DLGAP2: variants seen among roughly 807,000 people sequenced by gnomAD.
DLGAP2 encodes DLG associated protein 2, also known as disks large-associated protein 2.
In DLGAP2, 26 loss-of-function variants were observed where a neutral mutation model predicts 100.3. That is an observed-to-expected ratio of 0.26 (90% CI 0.19 to 0.36). The LOEUF (loss-of-function observed/expected upper bound fraction) is 0.36, where lower values mean the gene tolerates loss of function less well. DLGAP2 is among the 10% of genes least tolerant of loss of function. DLGAP2 has a pLI of 1.00. For synonymous variants in DLGAP2, 886 were observed against 630.1 expected, an observed-to-expected ratio of 1.41 and a Z score of -6.08; for missense variants, 1,858 against 1,453.2, an observed-to-expected ratio of 1.28 and a Z score of -4.53.
chr8:1,626,708 G>A (rs1264470272), intron 6 of DLGAP2, 32 bp from the exon 7 acceptor site: 2 of 1,571,738 alleles, frequency 1.3e-6, no homozygotes, highest in Admixed American at 1.9e-5. Flanking sequence ...GGTGCTCACA[G>A]AATGCCTTTT....
chr8:1,321,940 C>T (rs189121437), intron 3 of DLGAP2, among the ~76,000 whole-genome samples: 2 of 152,262 alleles, frequency 1.3e-5, no homozygotes, highest in East Asian at 3.9e-4. Flanking sequence ...TAAATACAGG[C>T]ATTTAATTTT....
intron 2 of DLGAP2, among the ~76,000 whole-genome samples, chr8:941,991 T>TA (rs1286023037): frequency 6.6e-6 from 1 of 152,104 alleles, no homozygotes; most frequent in Admixed American, 6.6e-5. Flanking sequence ...TGTCTCTCTT[T>TA]AAAAAATGGT....
intron 3 of DLGAP2, among the ~76,000 whole-genome samples, chr8:1,481,760 G>T (rs148994742): frequency 6.6e-6 from 1 of 152,150 alleles, no homozygotes; most frequent in Non-Finnish European, 1.5e-5. Flanking sequence ...TTACAGGCAT[G>T]AGTCACCGCA....
intron 1 of DLGAP2, among the ~76,000 whole-genome samples, chr8:863,321 G>A (rs1353714787): frequency 6.6e-6 from 1 of 152,168 alleles, no homozygotes; most frequent in East Asian, 1.9e-4. Flanking sequence ...TCAAGTCATT[G>A]ATGGAGTGCT....
At chr8:1,440,825 A>T (rs1004549601) in intron 3 of DLGAP2, among the ~76,000 whole-genome samples, 2 of 152,218 alleles carry the variant, frequency 1.3e-5, no homozygotes, top group African/African-American at 4.8e-5. Flanking sequence ...CTCTTTTTAT[A>T]TTCCAGCAAC....
At chr8:1,496,203 T>C (rs61215935) in intron 3 of DLGAP2, among the ~76,000 whole-genome samples, 5,058 of 152,184 alleles carry the variant, frequency 0.033, 252 homozygotes, top group African/African-American at 0.11. Context: ...TGGCAGAGTG[T>C]TCTGCCTCCC....
intron 3 of DLGAP2, among the ~76,000 whole-genome samples, chr8:1,445,679 T>C (rs973538298): frequency 6.6e-6 from 1 of 152,184 alleles, no homozygotes; most frequent in African/African-American, 2.4e-5. Context: ...ACTTCCACAA[T>C]GGTTGAACTA....
intron 1 of DLGAP2, among the ~76,000 whole-genome samples, chr8:788,300 G>A (rs926298640): frequency 6.6e-6 from 1 of 152,250 alleles, no homozygotes; most frequent in African/African-American, 2.4e-5. Flanking sequence ...GTCTGGTCGA[G>A]ATAGCAGCAT....
rs1391429366 is a variant in DLGAP2 at position 920,792 on chromosome 8, AT to A, written c.73+12827del. 2.0e-5 allele frequency among the ~76,000 whole-genome samples: 3 copies of A among 152,176 alleles called. No individual in the cohort carries two copies. In the East Asian group the frequency reaches 5.8e-4, roughly 29 times the overall value. ...AGAGCGGAACCCTGTCTCAAAAGAT[AT>A]AAAAAAAAATAAATAAAAATAATTG... On this transcript the variant is annotated intron_variant, in intron 2 of 14. Coordinates refer to ENST00000637795, the MANE Select transcript of DLGAP2 (RefSeq NM_001346810.2).
intron 2 of DLGAP2, among the ~76,000 whole-genome samples, chr8:1,231,889 C>G (rs1229066690): frequency 2.0e-5 from 3 of 152,150 alleles, no homozygotes; most frequent in Non-Finnish European, 2.9e-5. Context: ...GTCATACCCC[C>G]AAATCTCAGC....
At chr8:824,741 A>G (rs957389033) in intron 1 of DLGAP2, among the ~76,000 whole-genome samples, 2 of 152,182 alleles carry the variant, frequency 1.3e-5, no homozygotes, top group Non-Finnish European at 2.9e-5. Flanking sequence ...CCCAGGATCC[A>G]GACATGCTGC....
At chr8:1,340,180 A>G (rs1252624286) in intron 3 of DLGAP2, among the ~76,000 whole-genome samples, 1 of 152,244 alleles carries the variant, frequency 6.6e-6, no homozygotes, top group Admixed American at 6.5e-5. Context: ...GAACTGGCAA[A>G]GATTTCATGA....
At position 1,243,414 on chromosome 8, in the gene DLGAP2, G is replaced by C. The variant is rs146173028; in HGVS notation, c.74-15437G>C. Among the ~76,000 whole-genome samples, 1,416 of 152,284 alleles carry C rather than the reference G, an allele frequency of 9.3e-3. 24 individuals are homozygous for C. The highest frequency in any genetic ancestry group is 0.031 in the African/African-American group (1,302 of 41,546). On this transcript the variant is annotated intron_variant, in intron 2 of 14. Coordinates refer to ENST00000637795, the MANE Select transcript of DLGAP2 (RefSeq NM_001346810.2). The stretch of plus-strand genomic sequence containing the variant: ...CGACGGTCATTCCTCCTGCGCAGCT[G>C]CCTGGCCTGCACCCTCTGTCATCTG...
chr8:1,324,940 C>T (rs959839866), intron 3 of DLGAP2, among the ~76,000 whole-genome samples: 2 of 152,226 alleles, frequency 1.3e-5, no homozygotes, highest in Admixed American at 6.5e-5. Context: ...TTGGCTCAGC[C>T]TTGCCCTGGA....
chr8:1,574,064 T>C (rs1802865162), intron 6 of DLGAP2, among the ~76,000 whole-genome samples: 1 of 151,976 alleles, frequency 6.6e-6, no homozygotes, highest in Non-Finnish European at 1.5e-5. Context: ...CCTAGAGCAT[T>C]AGGGTAAGCG....
chr8:1,201,914 G>A (rs1361377291), intron 2 of DLGAP2, among the ~76,000 whole-genome samples: 2 of 151,914 alleles, frequency 1.3e-5, no homozygotes, highest in African/African-American at 4.8e-5. Context: ...GTGTGCACAT[G>A]TGTGGTATCT....
intron 1 of DLGAP2, chr8:740,281 A>G (rs988502636): frequency 1.3e-5 from 2 of 152,234 alleles, no homozygotes; most frequent in African/African-American, 4.8e-5. Flanking sequence ...ATAGTATTCA[A>G]TGTCTATTTG....
intron 5 of DLGAP2, among the ~76,000 whole-genome samples, chr8:1,556,368 C>T (rs1216346149): frequency 2.0e-5 from 3 of 152,080 alleles, no homozygotes; most frequent in Admixed American, 6.5e-5. Context: ...GGGTCTGCTC[C>T]TGCAGGAGTG....
At chr8:772,393 G>A (rs967909566) in intron 1 of DLGAP2, among the ~76,000 whole-genome samples, 7 of 152,118 alleles carry the variant, frequency 4.6e-5, no homozygotes, top group African/African-American at 1.7e-4. Context: ...CATGATCTCT[G>A]CTCACTGCAA....
Sources: allele counts gnomAD v4.1 joint callset (sites outside exome capture counted in the v4.1 genomes callset), GRCh38; gene constraint gnomAD v4.1.1; transcripts MANE v1.5; gene names NCBI Gene and HGNC (gene_info 2026-07-23, HGNC 2026-07-21).